GALNT10: variants seen among roughly 807,000 people sequenced by gnomAD.
GALNT10 encodes polypeptide N-acetylgalactosaminyltransferase 10, also known as GalNAc transferase 10.
In GALNT10, 41 loss-of-function variants were observed where a neutral mutation model predicts 75.0. That is an observed-to-expected ratio of 0.55 (90% CI 0.43 to 0.71). The LOEUF (loss-of-function observed/expected upper bound fraction) is 0.71. Among genes scored for constraint, GALNT10 ranks in the 30% least tolerant of loss-of-function variants. The probability of loss-of-function intolerance (pLI) is 0.00; values close to 1 mark genes in which losing one functional copy is unlikely to be tolerated. For synonymous variants in GALNT10, 302 were observed against 313.0 expected, an observed-to-expected ratio of 0.96 and a Z score of 0.37; for missense variants, 727 against 818.5, an observed-to-expected ratio of 0.89 and a Z score of 1.36.
chr5:154,355,108 G>A (rs981802060), intron 4 of GALNT10, among the ~76,000 whole-genome samples: 12 of 152,176 alleles, frequency 7.9e-5, no homozygotes, highest in Non-Finnish European at 2.9e-5. Flanking sequence ...GCACGCTGTA[G>A]AGCTGGGGTG....
At chr5:154,247,127 T>A (rs371217576) in intron 1 of GALNT10, among the ~76,000 whole-genome samples, 1 of 152,190 alleles carries the variant, frequency 6.6e-6, no homozygotes, top group South Asian at 2.1e-4. Context: ...TGTAGATATG[T>A]GGCATTATTT....
rs1266724016 is a variant in GALNT10 at position 154,298,600 on chromosome 5, C to T, written c.401+521C>T. 6.6e-6 allele frequency among the ~76,000 whole-genome samples: 1 copy of T among 152,118 alleles called. No individual in the cohort carries two copies. The highest frequency in any genetic ancestry group is 2.4e-5 in the African/African-American group (1 of 41,418). ...ATCTCAGGTTGCTGTGAGGTAGGTC[C>T]TGTAATGATGCCGATTTTACAGTGA... On this transcript the variant is annotated intron_variant, in intron 3 of 11. Transcript: ENST00000297107. The surrounding 1 kb of genome is among the most constrained non-coding windows in gnomAD (Gnocchi z 4.1).
chr5:154,386,863 G>A (rs950026881), intron 7 of GALNT10: 3 of 240,290 alleles, frequency 1.2e-5, no homozygotes, highest in African/African-American at 2.3e-5. Flanking sequence ...GTTGCTCTAG[G>A]AGTTTGACAA....
chr5:154,370,111 G>C (rs1341151801), intron 4 of GALNT10, among the ~76,000 whole-genome samples: 2 of 152,240 alleles, frequency 1.3e-5, no homozygotes, highest in East Asian at 3.8e-4. Context: ...CACATAACTT[G>C]TTAGCTGTGT....
intron 1 of GALNT10, among the ~76,000 whole-genome samples, chr5:154,290,777 A>G (rs908901809): frequency 1.4e-4 from 21 of 152,186 alleles, no homozygotes; most frequent in Non-Finnish European, 1.5e-4. Flanking sequence ...GTCAAAGGAC[A>G]TGGTTTTTAT....
rs999833781 is a variant in GALNT10 at position 154,412,733 on chromosome 5, A to C, written c.1387-156A>C. 7 of 685,146 alleles carry C rather than the reference A, an allele frequency of 1.0e-5. No homozygotes were observed. The highest frequency in any genetic ancestry group is 4.9e-4 in the Middle Eastern group (2 of 4,092). 42.4% of individuals were successfully genotyped at this position (685,146 alleles called of 1,614,324 possible). A position where few individuals can be genotyped will look rare whatever the true frequency, so the allele number is the denominator to read the frequency against. ...TGAGTCTTCCTTCATTGAGAGGCTC[A>C]AGGTACTTCCAACAGCCCAGGGCAA... On this transcript the variant is annotated intron_variant, in intron 9 of 11. Transcript: ENST00000297107. The surrounding 1 kb of genome is among the most constrained non-coding windows in gnomAD (Gnocchi z 4.2).
intron 4 of GALNT10, among the ~76,000 whole-genome samples, chr5:154,354,612 G>A (rs1437125081): frequency 6.6e-6 from 1 of 152,216 alleles, no homozygotes; most frequent in Non-Finnish European, 1.5e-5. Flanking sequence ...ATGCCCCAGT[G>A]TAGTGTGATG....
intron 1 of GALNT10, among the ~76,000 whole-genome samples, chr5:154,231,070 T>A (rs984659274): frequency 6.6e-6 from 1 of 152,214 alleles, no homozygotes; most frequent in Non-Finnish European, 1.5e-5. Context: ...CTCCTTGTCC[T>A]TATATATAGA....
chr5:154,338,678 A>G (rs1034852534), intron 4 of GALNT10, among the ~76,000 whole-genome samples: 1 of 152,176 alleles, frequency 6.6e-6, no homozygotes. Context: ...ATCATATGCA[A>G]CTTTGCATCC....
At chr5:154,228,567 C>A (rs1490828203) in intron 1 of GALNT10, among the ~76,000 whole-genome samples, 1 of 152,186 alleles carries the variant, frequency 6.6e-6, no homozygotes, top group East Asian at 1.9e-4. Flanking sequence ...TGATTATGGA[C>A]CAAAAACCTG....
intron 4 of GALNT10, among the ~76,000 whole-genome samples, chr5:154,346,719 A>AT (rs967091785): frequency 9.3e-5 from 14 of 150,196 alleles, no homozygotes; most frequent in Non-Finnish European, 1.6e-4. Flanking sequence ...AGTTGTGCCA[A>AT]TTTTTTTTTT....
At chr5:154,380,309 C>A in intron 5 of GALNT10, 139 bp from the exon 6 acceptor site, 1 of 691,896 alleles carries the variant, frequency 1.4e-6, no homozygotes, top group Non-Finnish European at 2.5e-6. Flanking sequence ...TTAAAGCTTG[C>A]AGTCTCCCTT....
intron 1 of GALNT10, among the ~76,000 whole-genome samples, chr5:154,213,880 C>A (rs1205496398): frequency 6.6e-6 from 1 of 152,166 alleles, no homozygotes; most frequent in African/African-American, 2.4e-5. Flanking sequence ...ATGTGCACAG[C>A]CTGTATTGTG....
At chr5:154,380,683 C>A in intron 6 of GALNT10, 52 bp downstream of exon 6, 2 of 1,237,386 alleles carry the variant, frequency 1.6e-6, no homozygotes, top group South Asian at 1.3e-5. Flanking sequence ...TGACCACTCC[C>A]AACACGCACA....
At position 154,299,290 on chromosome 5, in the gene GALNT10, A is replaced by G. The variant is rs373525192; in HGVS notation, c.401+1211A>G. 4.6e-5 allele frequency among the ~76,000 whole-genome samples: 7 copies of G among 152,324 alleles called. No individual in the cohort carries two copies. In the East Asian group the frequency reaches 7.7e-4, roughly 17 times the overall value. On this transcript the variant is annotated intron_variant, in intron 3 of 11. Coordinates refer to ENST00000297107, the MANE Select transcript of GALNT10 (RefSeq NM_198321.4). ...TCAGTGTTTTAACAAGGCCTCCAGG[A>G]GATTCTGATGCATGCTTGCATTTGA...
chr5:154,209,882 C>T (rs76277942), intron 1 of GALNT10, among the ~76,000 whole-genome samples: 78 of 143,850 alleles, frequency 5.4e-4, no homozygotes, highest in Non-Finnish European at 1.0e-3. Flanking sequence ...GTTTACAGTG[C>T]TCCCCATAAT....
intron 3 of GALNT10, among the ~76,000 whole-genome samples, chr5:154,310,934 A>G (rs1175262701): frequency 2.0e-5 from 3 of 152,254 alleles, no homozygotes; most frequent in Non-Finnish European, 2.9e-5. Flanking sequence ...AATGCAGCCA[A>G]TAACATTTCT....
At chr5:154,401,098 A>G (rs542860108) in intron 7 of GALNT10, among the ~76,000 whole-genome samples, 1 of 152,336 alleles carries the variant, frequency 6.6e-6, no homozygotes, top group Admixed American at 6.5e-5. Context: ...GCCTCCCGAC[A>G]TATCAGGGTC....
intron 1 of GALNT10, among the ~76,000 whole-genome samples, chr5:154,192,915 A>C (rs1015335912): frequency 6.6e-6 from 1 of 152,192 alleles, no homozygotes; most frequent in Non-Finnish European, 1.5e-5. Context: ...AGAGAAGGTC[A>C]AGGTTAACTG....
Sources: allele counts gnomAD v4.1 joint callset (sites outside exome capture counted in the v4.1 genomes callset), GRCh38; gene constraint gnomAD v4.1.1; non-coding constraint Gnocchi (gnomAD v3.1); transcripts MANE v1.5; gene names NCBI Gene and HGNC (gene_info 2026-07-23, HGNC 2026-07-21).